The following LAMA4 variants were observed in gnomAD, a reference collection of about 807,000 sequenced individuals.
LAMA4 encodes laminin subunit alpha 4.
In LAMA4, 127 loss-of-function variants were observed where a neutral mutation model predicts 207.1. That is an observed-to-expected ratio of 0.61 (90% CI 0.53 to 0.71). The LOEUF is 0.71. Ranked by LOEUF, LAMA4 falls within the 30% of genes least tolerant of loss-of-function variation. The probability of loss-of-function intolerance (pLI) is 0.00; values close to 1 mark genes in which losing one functional copy is unlikely to be tolerated. For synonymous variants in LAMA4, 761 were observed against 816.0 expected (o/e 0.93, Z 1.15); for missense variants, 2,093 against 2,246.5 (o/e 0.93, Z 1.38).
rs730880124 is a variant in LAMA4, at chr6:112,189,103, T to G, written c.814+7A>C. ...GGGGTTAGTCAATCATGTACTGTTATTTTTACTTATGGTTGGGCAGTCCAT... is the reference window on the plus strand; with the variant it reads ...GGGGTTAGTCAATCATGTACTGTTAGTTTTACTTATGGTTGGGCAGTCCAT... On this transcript the variant is annotated splice_region_variant and intron_variant, in intron 7 of 38. Transcript: ENST00000230538. The G allele has an allele frequency of 2.5e-6, 4 of 1,597,394 alleles. No individual in the cohort carries two copies. Among genetic ancestry groups the G allele is most frequent in the Non-Finnish European group, 3.4e-6 (4 of 1,165,122 alleles).
At chr6:112,171,594 G>A (rs1781715060) in intron 12 of LAMA4, 1 of 153,268 alleles carries the variant, frequency 6.5e-6, no homozygotes, top group Admixed American at 6.6e-5. Context: ...ACACTTCAAG[G>A]GTAAGGAGAG....
chr6:112,185,142 G>A (rs1782607255), intron 9 of LAMA4, 95 bp downstream of exon 9: 5 of 832,256 alleles, frequency 6.0e-6, no homozygotes, highest in East Asian at 4.8e-5. Context: ...TTTCTGGGCT[G>A]TGTTAAGCCT....
intron 22 of LAMA4, 56 bp from the exon 23 acceptor site, chr6:112,139,941 T>C: frequency 6.4e-7 from 1 of 1,568,090 alleles, no homozygotes; most frequent in East Asian, 2.2e-5. Context: ...TACTCAGACA[T>C]CACAGAACAG....
rs759487426 is a variant in LAMA4 at position 112,191,804 on chromosome 6, A to G, written c.550T>C (p.Cys184Arg). ...YGNPLLIGST[C>R]KKCDCSGNSD... ...TTTCCACTGCAGTCACATTTCTTAC[A>G]GGTGCTTCCAATGAGTAAGGGGTTT... Residue 184 changes from cysteine (C) to arginine (R), a missense_variant, in exon 6 of 39, where the codon TGT (cysteine) becomes CGT (arginine). Physicochemically the swap from Cys to Arg is radical, Grantham distance 180. Around this residue, in one of 3 missense-constraint regions of LAMA4, gnomAD observed 1,704 missense variants for 1,788.4 expected, o/e 0.95. Transcript: ENST00000230538. The G allele has an allele frequency of 6.2e-6, 10 of 1,614,128 alleles. No individual in the cohort carries two copies. The highest frequency in any genetic ancestry group is 8.5e-6 in the Non-Finnish European group (10 of 1,179,986).
chr6:112,236,660 A>C (rs1785946973), intron 2 of LAMA4: 1 of 152,240 alleles, frequency 6.6e-6, no homozygotes, highest in Non-Finnish European at 1.5e-5. Flanking sequence ...ATATGTTATA[A>C]GGCAAATTAA....
intron 23 of LAMA4, 76 bp downstream of exon 23, chr6:112,139,676 A>G: frequency 6.4e-7 from 1 of 1,556,026 alleles, no homozygotes; most frequent in Non-Finnish European, 8.9e-7. Context: ...GAGAACCTGA[A>G]TATTGACTCA....
At chr6:112,214,091 GA>G in intron 3 of LAMA4, 1 of 717,980 alleles carries the variant, frequency 1.4e-6, no homozygotes, top group Non-Finnish European at 2.6e-6. Context: ...GGCACCAAAG[GA>G]AACAGAAAAA....
intron 3 of LAMA4, 134 bp downstream of exon 3, chr6:112,216,233 AG>A: frequency 1.4e-6 from 1 of 714,310 alleles, no homozygotes. Context: ...TCACAGGAAA[AG>A]CTGAAGGGTG....
rs201457182 is a variant in LAMA4, at chr6:112,165,151, C to T, written c.1668+9G>A. The T allele has an allele frequency of 8.0e-5, 119 of 1,493,958 alleles. No homozygotes were observed. The African/African-American group carries it at 1.3e-3, about 17-fold the overall frequency. The allele number at this position is 1,493,958 out of a possible 1,614,324, so 92.5% of individuals were successfully genotyped here. A position where few individuals can be genotyped will look rare whatever the true frequency, so the allele number is the denominator to read the frequency against. On this transcript the variant is annotated intron_variant, in intron 13 of 38. Transcript: ENST00000230538. ...AATACAAACCTGAACAAGTCACGTG[C>T]GTCCTTACCTTTATTATATCATCAA... is the stretch of plus-strand genomic sequence containing the variant.
chr6:112,241,152 TATATATATGA>T (rs369585480), intron 2 of LAMA4, among the ~76,000 whole-genome samples: 16,306 of 98,244 alleles, frequency 0.17, 1,833 homozygotes, highest in Middle Eastern at 0.27. Flanking sequence ...TATATATGAA[TATATATATGA>T]ATATATATGA....
chr6:112,164,061 C>T (rs1781246291), intron 13 of LAMA4: 1 of 152,202 alleles, frequency 6.6e-6, no homozygotes, highest in Admixed American at 6.5e-5. Flanking sequence ...AGCCAAGTCA[C>T]CAGGCAGAAC....
intron 9 of LAMA4, chr6:112,178,437 T>C: frequency 1.8e-6 from 1 of 563,322 alleles, no homozygotes; most frequent in East Asian, 3.1e-5. Flanking sequence ...ATTTTTTAAT[T>C]TTTCCGTAAG....
chr6:112,244,530 T>G (rs1033997619), intron 2 of LAMA4, among the ~76,000 whole-genome samples: 3 of 152,190 alleles, frequency 2.0e-5, no homozygotes, highest in African/African-American at 7.2e-5. Flanking sequence ...TTCCTTTACT[T>G]TCTTAATAAA....
At chr6:112,237,688 T>A (rs1554366544) in intron 2 of LAMA4, among the ~76,000 whole-genome samples, 1 of 152,178 alleles carries the variant, frequency 6.6e-6, no homozygotes, top group East Asian at 1.9e-4. Flanking sequence ...TCTACACACA[T>A]CAGCAGCAAC....
chr6:112,176,111 A>T (rs1782008455), intron 10 of LAMA4, among the ~76,000 whole-genome samples: 1 of 152,212 alleles, frequency 6.6e-6, no homozygotes, highest in Admixed American at 6.5e-5. Context: ...ATTTTTTGGC[A>T]GTTGCTGTTT....
chr6:112,226,861 A>G (rs1307268292), intron 2 of LAMA4, among the ~76,000 whole-genome samples: 1 of 152,198 alleles, frequency 6.6e-6, no homozygotes, highest in Non-Finnish European at 1.5e-5. Context: ...AAGGAGAAAC[A>G]GTATGATGTT....
At chr6:112,225,151 C>T (rs1785143176) in intron 2 of LAMA4, among the ~76,000 whole-genome samples, 1 of 151,972 alleles carries the variant, frequency 6.6e-6, no homozygotes, top group Non-Finnish European at 1.5e-5. Context: ...TTTGGTAATT[C>T]CTAAGTCTCT....
intron 3 of LAMA4, among the ~76,000 whole-genome samples, chr6:112,211,159 A>G (rs1256901073): frequency 1.3e-5 from 2 of 152,120 alleles, no homozygotes; most frequent in African/African-American, 4.8e-5. Context: ...ATTTCTAACA[A>G]GCTCCCAAAT....
At chr6:112,203,552 TA>T (rs1783880937) in intron 4 of LAMA4, among the ~76,000 whole-genome samples, 1 of 152,226 alleles carries the variant, frequency 6.6e-6, no homozygotes. Context: ...ACTAAGTTAA[TA>T]ATAAGTCCAG....
Sources: allele counts gnomAD v4.1 joint callset (sites outside exome capture counted in the v4.1 genomes callset), GRCh38; gene constraint gnomAD v4.1.1; regional missense constraint gnomAD v4.1.1; transcripts MANE v1.5; gene names NCBI Gene and HGNC (gene_info 2026-07-23, HGNC 2026-07-21).